Variants in LMBR1 observed in about 807,000 individuals in gnomAD.
LMBR1 encodes limb region 1 protein homolog.
In LMBR1, 52 loss-of-function variants were observed where a neutral mutation model predicts 73.9. The observed-to-expected ratio is 0.70, with a 90% confidence interval of 0.56 to 0.89. The LOEUF (loss-of-function observed/expected upper bound fraction) is 0.89. LMBR1 is among the 40% of genes least tolerant of loss of function. LMBR1 has a pLI of 0.00. For missense variants in LMBR1, 539 were observed against 579.8 expected, an observed-to-expected ratio of 0.93 and a Z score of 0.72; for synonymous variants, 215 against 209.4, an observed-to-expected ratio of 1.03 and a Z score of -0.23.
chr7:156,792,340 TG>T (rs1158793608), intron 5 of LMBR1, among the ~76,000 whole-genome samples: 3 of 152,212 alleles, frequency 2.0e-5, no homozygotes, highest in African/African-American at 7.2e-5. Flanking sequence ...AAAATTAAGA[TG>T]TAAACGGAGT....
chr7:156,724,760 A>G (rs1815337392), intron 14 of LMBR1, among the ~76,000 whole-genome samples: 1 of 122,892 alleles, frequency 8.1e-6, no homozygotes, highest in Non-Finnish European at 1.7e-5. Flanking sequence ...GTTTAAAGAA[A>G]TAGCTGTGTG....
intron 1 of LMBR1, among the ~76,000 whole-genome samples, chr7:156,852,176 A>AT (rs998579285): frequency 7.9e-5 from 12 of 152,322 alleles, no homozygotes; most frequent in African/African-American, 2.4e-4. Flanking sequence ...AAATAATAAT[A>AT]TAACAATAAA....
chr7:156,870,107 A>G (rs530326070), intron 1 of LMBR1, among the ~76,000 whole-genome samples: 1 of 152,358 alleles, frequency 6.6e-6, no homozygotes, highest in East Asian at 1.9e-4. Flanking sequence ...AAACGGTAGA[A>G]TAACGATTGG....
chr7:156,887,929 A>T (rs1445117313), intron 1 of LMBR1, among the ~76,000 whole-genome samples: 1 of 152,242 alleles, frequency 6.6e-6, no homozygotes, highest in Non-Finnish European at 1.5e-5. Context: ...CTTCACTTAT[A>T]ATTAGGGAAA....
chr7:156,728,653 A>G lies in LMBR1; in HGVS notation c.906T>C (p.Leu302=), dbSNP rs1816237922. ...GCAAATAAATTCTTACTGTCTCAAT[A>G]AGAAGGAGAACCATAACAGCGGGAT... The part of the protein sequence containing the change: ...LVYPAVMVLL[L]IETSISVLLV... The change falls in exon 11 of 17, where the codon CTT becomes CTC. Residue 302 remains leucine (L), a synonymous_variant. Transcript: ENST00000353442. The G allele has an allele frequency of 6.3e-7, 1 of 1,592,468 alleles. No individual in the cohort carries two copies. The highest frequency in any genetic ancestry group is 1.4e-5 in the African/African-American group (1 of 73,524).
rs6949624 is a variant in LMBR1, at chr7:156,792,490, C to G, written c.423+3899G>C. ...AAGTTAGCTGCTTACTAAAAAAAAA[C>G]TTTTACTTTATCAAAACCATTTCTA... On this transcript the variant is annotated intron_variant, in intron 5 of 16. Coordinates refer to ENST00000353442, the MANE Select transcript of LMBR1 (RefSeq NM_022458.4). Among the ~76,000 whole-genome samples, 82,446 of 151,984 alleles carry G rather than the reference C, an allele frequency of 0.54. 22,523 individuals are homozygous for G. Among genetic ancestry groups the G allele is most frequent in the East Asian group, 0.62 (3,229 of 5,184 alleles).
rs983970382 is a variant in LMBR1 at position 156,669,945 on chromosome 7, G to C, written n.867-658C>G. ...ATGAAACACAGATCCCTGTTTAAAA[G>C]AAAGAAAACATGGGAAAGTGCCATC... On this transcript the variant is annotated intron_variant and non_coding_transcript_variant, in intron 4 of 4. Coordinates refer to the LMBR1 transcript ENST00000430825. The surrounding 1 kb of genome is among the most constrained non-coding windows in gnomAD (Gnocchi z 4.2). Among the ~76,000 whole-genome samples, 1 of 152,188 alleles carries C rather than the reference G, an allele frequency of 6.6e-6. No individual in the cohort carries two copies. Among genetic ancestry groups the C allele is most frequent in the African/African-American group, 2.4e-5 (1 of 41,454 alleles).
intron 4 of LMBR1, among the ~76,000 whole-genome samples, chr7:156,806,948 G>A (rs772133428): frequency 1.3e-5 from 2 of 152,042 alleles, no homozygotes; most frequent in Non-Finnish European, 2.9e-5. Flanking sequence ...TCCCATTTCA[G>A]GCCTACTTTG....
intron 1 of LMBR1, among the ~76,000 whole-genome samples, chr7:156,862,870 T>C (rs1356800341): frequency 6.6e-6 from 1 of 152,178 alleles, no homozygotes; most frequent in Non-Finnish European, 1.5e-5. Flanking sequence ...TATTCAAACA[T>C]CAGCTCTTCC....
chr7:156,825,901 T>C lies in LMBR1; in HGVS notation c.319+704A>G, dbSNP rs118111514. 2.3e-4 allele frequency among the ~76,000 whole-genome samples: 35 copies of C among 152,378 alleles called. No homozygotes were observed. In the East Asian group the frequency reaches 4.2e-3, roughly 18 times the overall value. On this transcript the variant is annotated intron_variant, in intron 4 of 16. Transcript: ENST00000353442. ...CCATGATATCTATTTGTACTTGACA[T>C]AGAGTGTTTTTCCCCTTCTATATTT...
chr7:156,800,482 C>CAAAAAAAAAAAA (rs1245017996), intron 4 of LMBR1, among the ~76,000 whole-genome samples: 1,886 of 80,726 alleles, frequency 0.023, 149 homozygotes, highest in African/African-American at 0.049. Context: ...ACTTGCTACT[C>CAAAAAAAAAAAA]AAAAAAAAAA....
At chr7:156,713,880 A>G (rs1585326697) in intron 15 of LMBR1, among the ~76,000 whole-genome samples, 1 of 151,986 alleles carries the variant, frequency 6.6e-6, no homozygotes. Context: ...TTATTTAGAA[A>G]CTCTATATTT....
Position 156,826,712 on chromosome 7 carries a change from G to A in LMBR1, c.212C>T (p.Ser71Leu), listed in dbSNP as rs1835763400. 6.2e-7 allele frequency: 1 copy of A among 1,611,984 alleles called. No homozygotes were observed. The highest frequency in any genetic ancestry group is 8.5e-7 in the Non-Finnish European group (1 of 1,178,822). Residue 71 changes from serine to leucine, a missense_variant, in exon 4 of 17, where the codon TCA becomes TTA. By Grantham distance (145) the Ser-to-Leu change is moderately radical. Transcript: ENST00000353442. ...GGGTAAAAGCAAAACAGCCCCAGCTGACACTGCGAGAGTGAACGTGCTCAA... is the reference window on the plus strand; with the variant it reads ...GGGTAAAAGCAAAACAGCCCCAGCTAACACTGCGAGAGTGAACGTGCTCAA... Reference protein sequence around the residue: ...LFLSTFTLAVSAGAVLLLPFS... With the variant: ...LFLSTFTLAVLAGAVLLLPFS...
chr7:156,852,933 C>T (rs1457691221), intron 1 of LMBR1, among the ~76,000 whole-genome samples: 1 of 151,260 alleles, frequency 6.6e-6, no homozygotes. Flanking sequence ...CAGTAAATTA[C>T]AAATAATGCT....
Position 156,762,201 on chromosome 7 carries a change from G to T in LMBR1, c.620-3C>A, listed in dbSNP as rs768354751. 8 of 1,603,526 alleles carry T rather than the reference G, an allele frequency of 5.0e-6. No homozygotes were observed. The East Asian group carries it at 1.8e-4, about 36-fold the overall frequency. ...AGAAAGGCCAACTGGTGTACACACTGCAGAAATAAGATCACCAAAAGACAG... is the reference window on the plus strand; with the variant it reads ...AGAAAGGCCAACTGGTGTACACACTTCAGAAATAAGATCACCAAAAGACAG... On this transcript the variant is annotated splice_polypyrimidine_tract_variant and splice_region_variant and intron_variant, in intron 7 of 16. Coordinates refer to ENST00000353442, the MANE Select transcript of LMBR1 (RefSeq NM_022458.4).
At chr7:156,690,423 G>C (rs149011693) in intron 15 of LMBR1, among the ~76,000 whole-genome samples, 50 of 152,290 alleles carry the variant, frequency 3.3e-4, no homozygotes, top group African/African-American at 1.2e-3. Flanking sequence ...TACCAGCCCT[G>C]TACATGGCCT....
rs1352429348 is a variant in LMBR1 at position 156,885,781 on chromosome 7, G to A, written c.66+7147C>T. ...ATAATCCCAGCTACTGGGAGGCTGA[G>A]GCAGGAGAATCACTTGAACCCGGGA... On this transcript the variant is annotated intron_variant, in intron 1 of 16. Coordinates refer to ENST00000353442, the MANE Select transcript of LMBR1 (RefSeq NM_022458.4). Among the ~76,000 whole-genome samples, 5 of 152,254 alleles carry A rather than the reference G, an allele frequency of 3.3e-5. No individual in the cohort carries two copies. In the South Asian group the frequency reaches 8.3e-4, roughly 25 times the overall value.
chr7:156,676,173 T>C, downstream of LMBR1: 1 of 1,199,786 alleles, frequency 8.3e-7, no homozygotes, highest in Non-Finnish European at 1.1e-6. Context: ...AAGTTCCTGT[T>C]GGATGTTGCT....
chr7:156,779,526 T>G (rs1200831398), intron 5 of LMBR1: 3 of 253,836 alleles, frequency 1.2e-5, no homozygotes, highest in East Asian at 1.6e-4. Flanking sequence ...TCTTTTAGAT[T>G]TAAATGGGAA....
Sources: gnomAD v4.1 joint callset for allele counts (sites outside exome capture counted in the v4.1 genomes callset) on GRCh38, gnomAD v4.1.1 for gene constraint, Gnocchi (gnomAD v3.1) non-coding constraint, MANE v1.5 for transcripts, NCBI Gene and HGNC (gene_info 2026-07-23, HGNC 2026-07-21) for gene names.